The following KIF1B variants were observed in gnomAD, a reference collection of about 807,000 sequenced individuals.
The protein encoded by KIF1B is kinesin-like protein KIF1B.
Under a neutral mutation model 241.9 loss-of-function variants are expected in KIF1B, and 76 were observed. That is an observed-to-expected ratio of 0.31 (90% CI 0.26 to 0.38). KIF1B has a LOEUF of 0.38. Ranked by LOEUF, KIF1B falls within the 10% of genes least tolerant of loss-of-function variation. The pLI, the probability that KIF1B is intolerant of heterozygous loss-of-function variation, is 1.00. For missense variants in KIF1B, 1,622 were observed against 2,271.4 expected (o/e 0.71, Z 5.81); for synonymous variants, 750 against 796.7 (o/e 0.94, Z 0.99).
At chr1:10,363,235 T>A in intron 40 of KIF1B, 48 bp from the exon 41 acceptor site, 1 of 1,445,676 alleles carries the variant, frequency 6.9e-7, no homozygotes, top group African/African-American at 1.4e-5. Context: ...AATTTTCCTG[T>A]TTTTGTGCTT....
chr1:10,245,593 G>A lies in KIF1B; in HGVS notation c.107-10654G>A, dbSNP rs531948014. 9.2e-5 allele frequency among the ~76,000 whole-genome samples: 14 copies of A among 152,076 alleles called. No individual in the cohort carries two copies. The South Asian group carries it at 2.9e-3, about 32-fold the overall frequency. ...GAAGGATCATTTTTCCTTTGGACTT[G>A]GAAAAAAATACATTTAGGTCTTAGA... On this transcript the variant is annotated intron_variant, in intron 2 of 48. Coordinates refer to ENST00000676179, the MANE Select transcript of KIF1B (RefSeq NM_001365951.3).
At position 10,374,918 on chromosome 1, in the gene KIF1B, C is replaced by T. The variant is rs1405709250; in HGVS notation, c.5161C>T (p.His1721Tyr). 4 of 1,609,956 alleles carry T rather than the reference C, an allele frequency of 2.5e-6. No individual in the cohort carries two copies. The African/African-American group carries it at 4.0e-5, about 16-fold the overall frequency. The change falls in exon 47 of 49, where the codon CAT (histidine) becomes TAT (tyrosine). Residue 1721 changes from histidine (H) to tyrosine (Y), a missense_variant. His to Tyr is a moderately conservative substitution (Grantham distance 83, BLOSUM62 2). This residue lies in a region of KIF1B where 357 missense variants were observed against 409.0 expected (regional missense o/e 0.87). Transcript: ENST00000676179. This position sits in a 1 kb window ranked among gnomAD's most constrained non-coding sequence, Gnocchi z 4.3. ...KEPLYSNWAK[H>Y]FVVVRRPYVF... ...GCCTCTTTACAGTAACTGGGCTAAA[C>T]ATTTTGTTGTCGTCCGTCGGCCTTA...
chr1:10,276,229 G>GCTAA, intron 11 of KIF1B, 92 bp from the exon 12 acceptor site: 1 of 855,730 alleles, frequency 1.2e-6, no homozygotes, highest in Admixed American at 1.9e-5. Context: ...TTAAATCTTA[G>GCTAA]GATCTGAGAT....
intron 1 of KIF1B, among the ~76,000 whole-genome samples, chr1:10,229,040 G>C (rs1646945065): frequency 6.6e-6 from 1 of 152,122 alleles, no homozygotes; most frequent in Non-Finnish European, 1.5e-5. Flanking sequence ...GTATTTCAGA[G>C]GGAACTCGGG....
chr1:10,262,755 T>A (rs761248069), intron 5 of KIF1B, among the ~76,000 whole-genome samples: 1 of 152,238 alleles, frequency 6.6e-6, no homozygotes, highest in Non-Finnish European at 1.5e-5. Flanking sequence ...CATTTTGGGT[T>A]CACAATGTCT....
intron 22 of KIF1B, among the ~76,000 whole-genome samples, chr1:10,309,045 C>CG (rs778793693): frequency 2.6e-5 from 4 of 152,180 alleles, no homozygotes; most frequent in Non-Finnish European, 5.9e-5. Context: ...CCTTTAACCT[C>CG]TGCTTTTCTT....
In KIF1B at chr1:10,278,146, C is replaced by T. The variant is rs41274456; in HGVS notation, c.1180+18C>T. ...TATTGATAGTAAGTGAATTAAGGAT[C>T]GTTACAAAATCTAATCCTTTCTTCT... On this transcript the variant is annotated intron_variant, in intron 13 of 48. Coordinates refer to ENST00000676179, the MANE Select transcript of KIF1B (RefSeq NM_001365951.3). The T allele has an allele frequency of 0.038, 60,985 of 1,611,316 alleles. 1,335 individuals carry two copies. The highest frequency in any genetic ancestry group is 0.043 in the Non-Finnish European group (50,392 of 1,177,704).
intron 7 of KIF1B, among the ~76,000 whole-genome samples, 187 bp downstream of exon 7, chr1:10,268,450 TA>T (rs1648591890): frequency 6.6e-6 from 1 of 152,162 alleles, no homozygotes; most frequent in Non-Finnish European, 1.5e-5. Flanking sequence ...TATAGGTTCT[TA>T]AATGAAGTTG....
intron 27 of KIF1B, among the ~76,000 whole-genome samples, chr1:10,329,373 T>C (rs867151723): frequency 6.6e-6 from 1 of 152,180 alleles, no homozygotes; most frequent in Non-Finnish European, 1.5e-5. Context: ...TACTTTCCTG[T>C]TTTTGTGATT....
At chr1:10,220,400 TA>T (rs1324641272) in intron 1 of KIF1B, among the ~76,000 whole-genome samples, 3,255 of 58,566 alleles carry the variant, frequency 0.056, 56 homozygotes, top group East Asian at 0.071. Flanking sequence ...AGATAGATGA[TA>T]GATAGATAGA....
Position 10,267,561 on chromosome 1 carries a change from A to G in KIF1B, c.608+3A>G, listed in dbSNP as rs1346721174. The G allele has an allele frequency of 1.1e-5, 18 of 1,613,602 alleles. No individual in the cohort carries two copies. The highest frequency in any genetic ancestry group is 3.3e-5 in the Admixed American group (2 of 59,978). On this transcript the variant is annotated splice_donor_region_variant and intron_variant, in intron 6 of 48. Transcript: ENST00000676179. ...ATGGATGCTGGGAACAAAGCCAGGT[A>G]TGGTAGGAAATAGAGTAATGACTGA...
intron 22 of KIF1B, chr1:10,306,927 A>G (rs2102276472): frequency 9.6e-7 from 1 of 1,046,540 alleles, no homozygotes; most frequent in East Asian, 5.5e-5. Context: ...GTTACTCTCC[A>G]CTGGTGATTA....
rs576886171 is a variant in KIF1B, at chr1:10,266,373, G to A, written c.430-1007G>A. Reference sequence around the variant, plus strand: ...GAGTTGCTTAGATACATGTTTAATTGCCCCAGGTTAAGAAATGATAGCTTA... The same window carrying A: ...GAGTTGCTTAGATACATGTTTAATTACCCCAGGTTAAGAAATGATAGCTTA... On this transcript the variant is annotated intron_variant, in intron 5 of 48. Transcript: ENST00000676179. Among the ~76,000 whole-genome samples, 117 of 152,302 alleles carry A rather than the reference G, an allele frequency of 7.7e-4. 4 individuals are homozygous for A. The South Asian group carries it at 0.024, about 31-fold the overall frequency.
intron 7 of KIF1B, among the ~76,000 whole-genome samples, chr1:10,268,983 A>G (rs1363047349): frequency 1.3e-5 from 2 of 152,298 alleles, no homozygotes; most frequent in South Asian, 2.1e-4. Flanking sequence ...TAGCCACTCA[A>G]TAATGTTAAT....
In KIF1B at chr1:10,374,249, C is replaced by T; in HGVS notation, c.4947-67C>T. 1 of 1,519,480 alleles carries T rather than the reference C, an allele frequency of 6.6e-7. No homozygotes were observed. The highest frequency in any genetic ancestry group is 9.1e-7 in the Non-Finnish European group (1 of 1,094,150). The allele number at this position is 1,519,480 out of a possible 1,614,324, so 94.1% of individuals were successfully genotyped here. A position where few individuals can be genotyped will look rare whatever the true frequency, so the allele number is the denominator to read the frequency against. ...TTGTGTTCCTCCCAGTGAAACAGTA[C>T]TCAGTATGCCTTGATTGTAACTGAT... On this transcript the variant is annotated intron_variant, in intron 45 of 48. Transcript: ENST00000676179. This position sits in a 1 kb window ranked among gnomAD's most constrained non-coding sequence, Gnocchi z 4.3.
At chr1:10,256,382 G>C in intron 3 of KIF1B, 59 bp downstream of exon 3, 1 of 1,200,548 alleles carries the variant, frequency 8.3e-7, no homozygotes, top group Non-Finnish European at 1.2e-6. Context: ...TTTCCTTGCC[G>C]ATTTGTCTTT....
At chr1:10,290,141 A>C (rs2102245796) in intron 15 of KIF1B, among the ~76,000 whole-genome samples, 1 of 151,936 alleles carries the variant, frequency 6.6e-6, no homozygotes, top group Non-Finnish European at 1.5e-5. Context: ...AATTAAATTA[A>C]ATTTAATTTA....
chr1:10,333,113 A>G (rs1652018532), intron 27 of KIF1B, among the ~76,000 whole-genome samples: 2 of 151,636 alleles, frequency 1.3e-5, no homozygotes, highest in South Asian at 2.1e-4. Flanking sequence ...CTCCCAGCCA[A>G]TAATAGTTAT....
intron 1 of KIF1B, among the ~76,000 whole-genome samples, chr1:10,225,772 A>T (rs1646901252): frequency 6.6e-6 from 1 of 152,188 alleles, no homozygotes; most frequent in Admixed American, 6.5e-5. Context: ...GGCAGTGTTC[A>T]TGTGGGCTTG....
Sources: allele counts gnomAD v4.1 joint callset (sites outside exome capture counted in the v4.1 genomes callset), GRCh38; gene constraint gnomAD v4.1.1; regional missense constraint gnomAD v4.1.1; non-coding constraint Gnocchi (gnomAD v3.1); transcripts MANE v1.5; gene names NCBI Gene and HGNC (gene_info 2026-07-23, HGNC 2026-07-21).